Variants in GRM7 observed in about 807,000 individuals in gnomAD.
The protein encoded by GRM7 is metabotropic glutamate receptor 7.
Under a neutral mutation model 84.5 loss-of-function variants are expected in GRM7, and 35 were observed. That is an observed-to-expected ratio of 0.41 (90% CI 0.32 to 0.55). The LOEUF (loss-of-function observed/expected upper bound fraction) is 0.55. GRM7 is among the 20% of genes least tolerant of loss of function. The pLI, the probability that GRM7 is intolerant of heterozygous loss-of-function variation, is 0.19. For synonymous variants in GRM7, 487 were observed against 455.1 expected (o/e 1.07, Z -0.89); for missense variants, 1,003 against 1,194.6 (o/e 0.84, Z 2.36).
At chr3:7,244,319 C>G (rs934093816) in intron 2 of GRM7, among the ~76,000 whole-genome samples, 1 of 151,990 alleles carries the variant, frequency 6.6e-6, no homozygotes, top group Non-Finnish European at 1.5e-5. Flanking sequence ...GATACTTCAC[C>G]CAATCGACTG....
chr3:7,118,964 ATAAT>A (rs1186265127), intron 1 of GRM7, among the ~76,000 whole-genome samples: 5 of 152,180 alleles, frequency 3.3e-5, no homozygotes, highest in African/African-American at 1.2e-4. Flanking sequence ...CCTTAAAATA[ATAAT>A]TAATCTCTAT....
intron 8 of GRM7, among the ~76,000 whole-genome samples, chr3:7,679,406 C>A (rs1014964956): frequency 6.6e-6 from 1 of 150,686 alleles, no homozygotes; most frequent in East Asian, 2.3e-4. Flanking sequence ...CAGAATAAGG[C>A]GTTGCATCTC....
At chr3:7,371,495 G>A (rs1694131819) in intron 4 of GRM7, among the ~76,000 whole-genome samples, 1 of 152,168 alleles carries the variant, frequency 6.6e-6, no homozygotes, top group Non-Finnish European at 1.5e-5. Context: ...GCAACAAAAT[G>A]GAGGTTGGTT....
chr3:7,213,883 T>A (rs531052867), intron 2 of GRM7, among the ~76,000 whole-genome samples: 1 of 152,224 alleles, frequency 6.6e-6, no homozygotes, highest in African/African-American at 2.4e-5. Flanking sequence ...TCTGGGCAGC[T>A]CACTGCAGCA....
chr3:7,356,627 A>G (rs1026920533), intron 4 of GRM7, among the ~76,000 whole-genome samples: 2 of 152,098 alleles, frequency 1.3e-5, no homozygotes, highest in Admixed American at 1.3e-4. Flanking sequence ...TTAATAATCA[A>G]GTAGATAGGC....
intron 1 of GRM7, among the ~76,000 whole-genome samples, chr3:7,129,439 C>T (rs985601558): frequency 2.0e-5 from 3 of 152,034 alleles, no homozygotes; most frequent in African/African-American, 4.8e-5. Flanking sequence ...AAGCTTGATT[C>T]GAGGTGACAA....
chr3:7,099,331 A>G (rs954897628), intron 1 of GRM7, among the ~76,000 whole-genome samples: 1 of 147,998 alleles, frequency 6.8e-6, no homozygotes, highest in Non-Finnish European at 1.5e-5. Flanking sequence ...ATATATGTAC[A>G]CATGTATTAT....
intron 8 of GRM7, among the ~76,000 whole-genome samples, chr3:7,672,996 A>T (rs2125133918): frequency 6.6e-6 from 1 of 152,330 alleles, no homozygotes; most frequent in African/African-American, 2.4e-5. Context: ...AAATCATTTT[A>T]AAATGTATTA....
intron 2 of GRM7, among the ~76,000 whole-genome samples, chr3:7,217,917 G>T (rs1351560145): frequency 6.6e-6 from 1 of 151,640 alleles, no homozygotes; most frequent in Non-Finnish European, 1.5e-5. Flanking sequence ...TAACACCGTG[G>T]TTATCCTCCC....
rs528846298 is a variant in GRM7, at chr3:7,046,667, C to A, written c.520-99785C>A. On this transcript the variant is annotated intron_variant, in intron 1 of 9. Transcript: ENST00000357716. ...AGCTGTCCTCTCTGAGAGGTTTACT[C>A]TAAGAGTTAAGTGAGTGAGTGAGAC... Among the ~76,000 whole-genome samples the A allele has an allele frequency of 2.0e-5, 3 of 152,076 alleles. No homozygotes were observed. In the South Asian group the frequency reaches 6.2e-4, roughly 32 times the overall value.
chr3:7,286,001 C>T lies in GRM7; in HGVS notation c.737-12683C>T, dbSNP rs1308097855. Among the ~76,000 whole-genome samples the T allele has an allele frequency of 2.6e-5, 4 of 152,108 alleles. No individual in the cohort carries two copies. In the East Asian group the frequency reaches 7.7e-4, roughly 29 times the overall value. On this transcript the variant is annotated intron_variant, in intron 2 of 9. Coordinates refer to ENST00000357716, the MANE Select transcript of GRM7 (RefSeq NM_000844.4). ...CACTTTAAATCTGGATGATTGTGTG[C>T]ATTCCTTTGATTTCTTTAACTCACA...
chr3:7,709,743 A>C (rs989071278), intron 9 of GRM7, among the ~76,000 whole-genome samples: 3 of 152,166 alleles, frequency 2.0e-5, no homozygotes, highest in African/African-American at 7.2e-5. Context: ...AACTCCTTGC[A>C]TTGGTTTGGA....
chr3:7,709,387 C>T (rs971523151), intron 9 of GRM7, among the ~76,000 whole-genome samples: 2 of 152,024 alleles, frequency 1.3e-5, no homozygotes, highest in African/African-American at 4.8e-5. Flanking sequence ...AGGAAAGAGC[C>T]CAGCATCTTC....
At position 7,359,172 on chromosome 3, in the gene GRM7, A is replaced by T. The variant is rs916014414; in HGVS notation, c.1033+52520A>T. ...CCTTAGGTCTAGGTCTATGTATTTT[A>T]TTTTAAAATAACTTCTTTGCCTTTA... On this transcript the variant is annotated intron_variant, in intron 4 of 9. Transcript: ENST00000357716. Among the ~76,000 whole-genome samples, 16 of 137,736 alleles carry T rather than the reference A, an allele frequency of 1.2e-4. 2 individuals carry two copies. Among genetic ancestry groups the T allele is most frequent in the African/African-American group, 4.6e-4 (16 of 35,092 alleles). 90.4% of individuals were successfully genotyped at this position (137,736 alleles called of 152,430 possible).
At chr3:7,435,953 C>T (rs192230772) in intron 5 of GRM7, among the ~76,000 whole-genome samples, 49 of 149,396 alleles carry the variant, frequency 3.3e-4, no homozygotes, top group African/African-American at 1.1e-3. Context: ...CCACCCACCT[C>T]GGCTTCTTAA....
At chr3:7,229,755 A>ATTTTTTTTTT (rs1266640710) in intron 2 of GRM7, among the ~76,000 whole-genome samples, 8 of 28,482 alleles carry the variant, frequency 2.8e-4, no homozygotes, top group African/African-American at 5.4e-4. Flanking sequence ...ATATATATAT[A>ATTTTTTTTTT]TATATTTTTT....
rs139122128 is a variant in GRM7 at position 7,114,411 on chromosome 3, C to A, written c.520-32041C>A. ...CTAAATCTATTCTCCAATTATTTAA[C>A]TCTGGTTTATACATTCACATCTGGT... On this transcript the variant is annotated intron_variant, in intron 1 of 9. Coordinates refer to ENST00000357716, the MANE Select transcript of GRM7 (RefSeq NM_000844.4). Among the ~76,000 whole-genome samples the A allele has an allele frequency of 4.9e-3, 751 of 152,252 alleles. 7 individuals are homozygous for A. Among genetic ancestry groups the A allele is most frequent in the African/African-American group, 0.017 (713 of 41,566 alleles).
intron 2 of GRM7, among the ~76,000 whole-genome samples, chr3:7,150,829 A>G (rs1433057094): frequency 1.3e-5 from 2 of 152,226 alleles, no homozygotes; most frequent in Non-Finnish European, 2.9e-5. Flanking sequence ...AGCATGTGGC[A>G]CTAATAAATT....
chr3:7,517,945 A>C (rs900663272), intron 7 of GRM7, among the ~76,000 whole-genome samples: 6 of 152,218 alleles, frequency 3.9e-5, no homozygotes, highest in Non-Finnish European at 8.8e-5. Flanking sequence ...AATTGGTGAA[A>C]GCCAGATGTA....
Sources: allele counts gnomAD v4.1 joint callset (sites outside exome capture counted in the v4.1 genomes callset), GRCh38; gene constraint gnomAD v4.1.1; transcripts MANE v1.5; gene names NCBI Gene and HGNC (gene_info 2026-07-23, HGNC 2026-07-21).